Variants in FYTTD1 observed in about 807,000 individuals in gnomAD.
FYTTD1 encodes the protein forty-two-three domain containing 1.
A neutral mutation model predicts 40.9 loss-of-function variants in FYTTD1; 22 were observed. The ratio of observed to expected loss-of-function variants is 0.54; its 90% CI spans 0.38 to 0.77. The LOEUF (loss-of-function observed/expected upper bound fraction) is 0.77. Among genes scored for constraint, FYTTD1 ranks in the 30% least tolerant of loss-of-function variants. The probability of loss-of-function intolerance (pLI) is 0.00; values close to 1 mark genes in which losing one functional copy is unlikely to be tolerated. For synonymous variants in FYTTD1, 140 were observed against 137.9 expected, an observed-to-expected ratio of 1.01 and a Z score of -0.10; for missense variants, 351 against 392.2, an observed-to-expected ratio of 0.90 and a Z score of 0.89.
intron 5 of FYTTD1, 149 bp from the exon 6 acceptor site, chr3:197,774,000 A>G: frequency 2.8e-6 from 2 of 704,382 alleles, no homozygotes; most frequent in Non-Finnish European, 5.0e-6. Flanking sequence ...CACACGCCCC[A>G]CTGGGTTAGG....
chr3:197,782,535 A>G lies in FYTTD1; in HGVS notation c.*626A>G, dbSNP rs771867255. ...AAATGTGGCCCTAGGTATTAGTCTT[A>G]GTTTAAAATGTTGGTGTTTAGAGAC... is the stretch of plus-strand genomic sequence containing the variant. On this transcript the variant is annotated 3_prime_UTR_variant, in exon 9 of 9. Transcript: ENST00000241502. 2.6e-5 allele frequency: 4 copies of G among 152,222 alleles called. No individual in the cohort carries two copies. Among genetic ancestry groups the G allele is most frequent in the Admixed American group, 1.3e-4 (2 of 15,276 alleles). The allele number at this position is 152,222 out of a possible 1,614,324, so 9.4% of individuals were successfully genotyped here.
chr3:197,776,541 C>T (rs1040890318), intron 6 of FYTTD1, among the ~76,000 whole-genome samples: 3 of 150,998 alleles, frequency 2.0e-5, no homozygotes, highest in Non-Finnish European at 4.4e-5. Context: ...TTTTTTTTTA[C>T]TATGTAAGCA....
intron 4 of FYTTD1, among the ~76,000 whole-genome samples, chr3:197,770,833 G>A (rs1415561241): frequency 2.6e-5 from 4 of 152,064 alleles, no homozygotes; most frequent in East Asian, 1.9e-4. Flanking sequence ...ACGGGCATGC[G>A]CCCCTGTGCC....
rs1031206189 is a variant in FYTTD1 at position 197,786,716 on chromosome 3, C to A, written c.*4807C>A. On this transcript the variant is annotated 3_prime_UTR_variant, in exon 9 of 9. Transcript: ENST00000241502. ...GGATCAAACATTTATTAAATATATT[C>A]AGCAAATATTTAGAATTAAATGTAT... 4.6e-5 allele frequency: 7 copies of A among 152,132 alleles called. No individual in the cohort carries two copies. The highest frequency in any genetic ancestry group is 7.4e-5 in the Non-Finnish European group (5 of 68,026). 9.4% of individuals were successfully genotyped at this position (152,132 alleles called of 1,614,324 possible). A position where few individuals can be genotyped will look rare whatever the true frequency, so the allele number is the denominator to read the frequency against.
intron 8 of FYTTD1, among the ~76,000 whole-genome samples, chr3:197,779,550 T>A (rs1729965575): frequency 6.9e-6 from 1 of 145,966 alleles, no homozygotes. Context: ...TTTTTTTTTG[T>A]GAAACAGTCT....
intron 8 of FYTTD1, among the ~76,000 whole-genome samples, chr3:197,780,172 C>G (rs1013802880): frequency 1.2e-4 from 18 of 150,420 alleles, no homozygotes; most frequent in African/African-American, 4.2e-4. Flanking sequence ...CCTGGGGATA[C>G]AGGCACACAC....
chr3:197,759,784 A>G (rs1275176979), intron 2 of FYTTD1, among the ~76,000 whole-genome samples: 4 of 150,362 alleles, frequency 2.7e-5, no homozygotes, highest in Non-Finnish European at 5.9e-5. Flanking sequence ...GGTAGAATGT[A>G]TAGAGTGTTC....
chr3:197,777,122 T>C (rs1560500689), intron 7 of FYTTD1, 121 bp downstream of exon 7: 3 of 636,084 alleles, frequency 4.7e-6, no homozygotes, highest in East Asian at 2.7e-5. Context: ...AAGACAGTAA[T>C]ACCTGTGATA....
rs1730137227 is a variant in FYTTD1, at chr3:197,785,675, T to C, written c.*3766T>C. On this transcript the variant is annotated 3_prime_UTR_variant, in exon 9 of 9. Transcript: ENST00000241502. The stretch of plus-strand genomic sequence containing the variant: ...ATAGCTTTGTAATTCACACAAAGTA[T>C]ACGGGCCCAGAATAATTTTTGTTGA... The C allele has an allele frequency of 6.6e-6, 1 of 152,196 alleles. No homozygotes were observed. The highest frequency in any genetic ancestry group is 1.5e-5 in the Non-Finnish European group (1 of 68,044). The allele number at this position is 152,196 out of a possible 1,614,324, so 9.4% of individuals were successfully genotyped here. A position where few individuals can be genotyped will look rare whatever the true frequency, so the allele number is the denominator to read the frequency against.
rs1348256062 is a variant in FYTTD1, at chr3:197,783,334, G to A, written c.*1425G>A. The A allele has an allele frequency of 6.6e-6, 1 of 152,554 alleles. No homozygotes were observed. Among genetic ancestry groups the A allele is most frequent in the Non-Finnish European group, 1.5e-5 (1 of 68,032 alleles). The allele number at this position is 152,554 out of a possible 1,614,324, so 9.5% of individuals were successfully genotyped here. ...TTCTCAGGAGTAGATTGTTAGTGTT[G>A]ACTTTTCCTGTAAAGCAGACATCGT... On this transcript the variant is annotated 3_prime_UTR_variant, in exon 9 of 9. Coordinates refer to ENST00000241502, the MANE Select transcript of FYTTD1 (RefSeq NM_032288.7).
intron 4 of FYTTD1, 37 bp from the exon 5 acceptor site, chr3:197,773,366 T>C: frequency 7.8e-7 from 1 of 1,287,090 alleles, no homozygotes; most frequent in Non-Finnish European, 1.1e-6. Context: ...TGAAAGTAGT[T>C]AAATGGCTTA....
Position 197,773,560 on chromosome 3 carries a change from T to C in FYTTD1, c.594+61T>C, listed in dbSNP as rs186644140. The C allele has an allele frequency of 2.0e-3, 1,942 of 959,488 alleles. 7 individuals carry two copies. The highest frequency in any genetic ancestry group is 2.9e-3 in the Non-Finnish European group (1,795 of 612,960). The allele number at this position is 959,488 out of a possible 1,614,324, so 59.4% of individuals were successfully genotyped here. A position where few individuals can be genotyped will look rare whatever the true frequency, so the allele number is the denominator to read the frequency against. The stretch of plus-strand genomic sequence containing the variant: ...GTTTGTTTTTTCCCAAAGAGGATCC[T>C]GAGCAGCCACCTTTAGTAAGCCTCA... On this transcript the variant is annotated intron_variant, in intron 5 of 8. Transcript: ENST00000241502.
chr3:197,775,229 TA>T (rs1431515976), intron 6 of FYTTD1, among the ~76,000 whole-genome samples: 1 of 152,202 alleles, frequency 6.6e-6, no homozygotes, highest in African/African-American at 2.4e-5. Flanking sequence ...CTTAGCCCTA[TA>T]AAAAATCTTT....
chr3:197,768,964 C>A (rs963664960), intron 3 of FYTTD1, among the ~76,000 whole-genome samples: 1 of 149,856 alleles, frequency 6.7e-6, no homozygotes, highest in Admixed American at 6.7e-5. Context: ...AGCTAATTTT[C>A]ATGTTGGCCA....
Position 197,768,419 on chromosome 3 carries a change from CT to C in FYTTD1, c.236-19del. The C allele has an allele frequency of 6.5e-7, 1 of 1,539,162 alleles. No individual in the cohort carries two copies. Among genetic ancestry groups the C allele is most frequent in the South Asian group, 1.3e-5 (1 of 79,230 alleles). Reference sequence around the variant, plus strand: ...TGAATTGTTAAATTGACATTTTCTTCTGTTTTTGCCCTCCTATAGGTTTTGG... The same window carrying C: ...TGAATTGTTAAATTGACATTTTCTTCGTTTTTGCCCTCCTATAGGTTTTGG... On this transcript the variant is annotated intron_variant, in intron 2 of 8. Coordinates refer to ENST00000241502, the MANE Select transcript of FYTTD1 (RefSeq NM_032288.7).
chr3:197,776,943 A>G lies in FYTTD1; in HGVS notation c.673A>G (p.Thr225Ala). The G allele has an allele frequency of 6.2e-7, 1 of 1,610,366 alleles. No homozygotes were observed. The highest frequency in any genetic ancestry group is 8.5e-7 in the Non-Finnish European group (1 of 1,177,082). ...TGAAACTAGATGGCGGACTTCCACC[A>G]CAAATGGAGGGATTTTGACTGTATC... ...KRTRQWRTST[T>A]NGGILTVSID... Residue 225 changes from threonine to alanine, a missense_variant, in exon 7 of 9, where the codon ACA becomes GCA. Thr to Ala is a moderately conservative substitution (Grantham distance 58). Coordinates refer to ENST00000241502, the MANE Select transcript of FYTTD1 (RefSeq NM_032288.7).
chr3:197,750,322 G>A, intron 1 of FYTTD1: 1 of 1,151,886 alleles, frequency 8.7e-7, no homozygotes, highest in Non-Finnish European at 1.1e-6. Context: ...GTGGAGGCGG[G>A]GGCAGGGGCG....
At chr3:197,749,568 A>G (rs1396139828), upstream of FYTTD1, 7 of 1,290,636 alleles carry the variant, frequency 5.4e-6, no homozygotes, top group Admixed American at 1.6e-4. Flanking sequence ...GCTCGTGTGT[A>G]CCGAAGTATA....
At chr3:197,772,989 C>A (rs776609147) in intron 4 of FYTTD1, among the ~76,000 whole-genome samples, 1 of 152,132 alleles carries the variant, frequency 6.6e-6, no homozygotes, top group African/African-American at 2.4e-5. Context: ...ATTTTTCAAA[C>A]CTTTCTCTTT....
Sources: gnomAD v4.1 joint callset for allele counts (sites outside exome capture counted in the v4.1 genomes callset) on GRCh38, gnomAD v4.1.1 for gene constraint, MANE v1.5 for transcripts, NCBI Gene and HGNC (gene_info 2026-07-23, HGNC 2026-07-21) for gene names.